REV3L: variants seen among roughly 807,000 people sequenced by gnomAD.
The protein encoded by REV3L is DNA polymerase zeta catalytic subunit.
A neutral mutation model predicts 299.4 loss-of-function variants in REV3L; 69 were observed. The observed-to-expected ratio is 0.23, with a 90% CI of 0.19 to 0.28. The LOEUF (loss-of-function observed/expected upper bound fraction) is 0.28. Ranked by LOEUF, REV3L falls within the 10% of genes least tolerant of loss-of-function variation. The pLI is 1.00. For missense variants in REV3L, 3,128 were observed against 3,693.8 expected (o/e 0.85, Z 3.97); for synonymous variants, 1,238 against 1,271.4 (o/e 0.97, Z 0.56).
rs367940631 is a variant in REV3L at position 111,448,898 on chromosome 6, A to G, written c.140-32426T>C. On this transcript the variant is annotated intron_variant, in intron 1 of 31. Transcript: ENST00000368802. ...AGACTCCTCAAGCAATCTTGCCTCA[A>G]GCAATCTTCCTGCCCCGGCCTCCCA... 4.0e-5 allele frequency among the ~76,000 whole-genome samples: 6 copies of G among 151,114 alleles called. 1 individual carries two copies. The highest frequency in any genetic ancestry group is 1.5e-4 in the African/African-American group (6 of 41,148).
At chr6:111,444,697 T>C (rs189208786) in intron 1 of REV3L, among the ~76,000 whole-genome samples, 86 of 152,342 alleles carry the variant, frequency 5.6e-4, no homozygotes, top group Middle Eastern at 3.4e-3. Flanking sequence ...ACAAAACTTT[T>C]TGATACAGCC....
intron 26 of REV3L, among the ~76,000 whole-genome samples, chr6:111,317,089 A>T (rs904121181): frequency 1.3e-5 from 2 of 152,220 alleles, no homozygotes; most frequent in Admixed American, 1.3e-4. Flanking sequence ...AAAGACATTA[A>T]ATAGTGGAAA....
chr6:111,301,142 T>G (rs1241862431), intron 31 of REV3L, among the ~76,000 whole-genome samples: 3 of 151,950 alleles, frequency 2.0e-5, no homozygotes, highest in Non-Finnish European at 4.4e-5. Context: ...AAATATGCCC[T>G]GGCCTCCTGC....
chr6:111,375,334 T>A lies in REV3L; in HGVS notation c.3021A>T (p.Thr1007=). The stretch of plus-strand genomic sequence containing the variant: ...TTTTATATAGTTCCATTTTTTCTTC[T>A]GTTAATATTACTTGTTTTTCTTTAG... ...IDSKEKQVIL[T]EEKMELYKKL... Residue 1007 remains threonine (T), a synonymous_variant, in exon 13 of 32, where the codon ACA becomes ACT. Transcript: ENST00000368802. The A allele has an allele frequency of 6.3e-7, 1 of 1,580,604 alleles. No individual in the cohort carries two copies. The highest frequency in any genetic ancestry group is 8.5e-7 in the Non-Finnish European group (1 of 1,171,472).
At chr6:111,350,904 T>C (rs987857006) in intron 19 of REV3L, among the ~76,000 whole-genome samples, 1 of 152,064 alleles carries the variant, frequency 6.6e-6, no homozygotes, top group African/African-American at 2.4e-5. Flanking sequence ...TCCAATTTTT[T>C]GCAAAGCTAA....
chr6:111,315,507 C>CT (rs1448871964), intron 26 of REV3L, 126 bp from the exon 27 acceptor site: 1 of 633,222 alleles, frequency 1.6e-6, no homozygotes, highest in Non-Finnish European at 2.7e-6. Flanking sequence ...CCTATTTACT[C>CT]TTTAAGATGC....
intron 1 of REV3L, among the ~76,000 whole-genome samples, chr6:111,428,962 C>T (rs1029515758): frequency 2.0e-5 from 3 of 152,018 alleles, no homozygotes; most frequent in Admixed American, 2.0e-4. Context: ...ACTCAAAGGT[C>T]AAGGACAAAG....
chr6:111,303,539 G>T (rs1167421712), intron 31 of REV3L, among the ~76,000 whole-genome samples: 1 of 150,592 alleles, frequency 6.6e-6, no homozygotes, highest in African/African-American at 2.4e-5. Flanking sequence ...GCTAATTTTT[G>T]TATTTTTAGT....
chr6:111,423,869 G>T (rs945619154), intron 1 of REV3L, among the ~76,000 whole-genome samples: 1 of 152,108 alleles, frequency 6.6e-6, no homozygotes, highest in African/African-American at 2.4e-5. Flanking sequence ...GTCACTCAAA[G>T]AAAACTGTAA....
intron 1 of REV3L, among the ~76,000 whole-genome samples, chr6:111,468,142 T>C (rs1036411791): frequency 3.3e-5 from 5 of 152,182 alleles, no homozygotes; most frequent in Non-Finnish European, 7.3e-5. Context: ...CAGGATCCTT[T>C]TGAAGTTTTT....
Position 111,379,422 on chromosome 6 carries a change from CAT to C in REV3L, c.1454+558_1454+559del, listed in dbSNP as rs199607791. Among the ~76,000 whole-genome samples, 1,052 of 152,292 alleles carry C rather than the reference CAT, an allele frequency of 6.9e-3. 5 individuals carry two copies. Among genetic ancestry groups the C allele is most frequent in the African/African-American group, 0.024 (997 of 41,570 alleles). ...GGCCTAGATTTTTCTATACACAGAG[CAT>C]ATAACTAAAGGGCAGACTCAAACCA... On this transcript the variant is annotated intron_variant, in intron 11 of 31. Coordinates refer to ENST00000368802, the MANE Select transcript of REV3L (RefSeq NM_001372078.1).
intron 9 of REV3L, among the ~76,000 whole-genome samples, chr6:111,381,867 C>G (rs1424660916): frequency 6.6e-6 from 1 of 151,896 alleles, no homozygotes; most frequent in Non-Finnish European, 1.5e-5. Flanking sequence ...ATTGACAGTG[C>G]TCATTATTTG....
At chr6:111,451,132 A>G (rs1018007326) in intron 1 of REV3L, among the ~76,000 whole-genome samples, 17 of 152,238 alleles carry the variant, frequency 1.1e-4, no homozygotes, top group Non-Finnish European at 1.2e-4. Context: ...CCAAATTGCC[A>G]GAGGTCATAG....
chr6:111,474,265 G>A (rs888016062), intron 1 of REV3L, among the ~76,000 whole-genome samples: 3 of 152,120 alleles, frequency 2.0e-5, no homozygotes, highest in African/African-American at 7.2e-5. Flanking sequence ...CATATCAAAC[G>A]CACGTGGTGA....
chr6:111,368,847 ACTTCT>A (rs1297466928), intron 13 of REV3L, among the ~76,000 whole-genome samples: 1 of 152,020 alleles, frequency 6.6e-6, no homozygotes. Context: ...TTTTTCAATC[ACTTCT>A]CTTAGGGCAT....
At position 111,375,869 on chromosome 6, in the gene REV3L, C is replaced by T. The variant is rs555525637; in HGVS notation, c.2486G>A (p.Arg829Gln). The change falls in exon 13 of 32, where the codon CGG becomes CAG. Residue 829 changes from arginine to glutamine, a missense_variant. Physicochemically the swap from Arg to Gln is conservative, Grantham distance 43. This residue lies in a region of REV3L where 2,409 missense variants were observed against 2,611.8 expected (regional missense o/e 0.92). Transcript: ENST00000368802. ...YKLQPGNKPS[R>Q]LKLNKRKLAG... ...AAGTTTCCTTTTATTCAATTTTAAC[C>T]GGGATGGTTTATTGCCAGGTTGTAA... 41 of 1,613,796 alleles carry T rather than the reference C, an allele frequency of 2.5e-5. No homozygotes were observed. The African/African-American group carries it at 3.3e-4, about 13-fold the overall frequency.
chr6:111,312,652 G>A (rs1773106137), intron 28 of REV3L: 1 of 152,216 alleles, frequency 6.6e-6, no homozygotes, highest in South Asian at 2.1e-4. Context: ...CCTCCTCCCG[G>A]GTTCAAGTGA....
rs1350035205 is a variant in REV3L at position 111,389,140 on chromosome 6, A to T, written c.828T>A (p.Asn276Lys). 3 of 1,613,970 alleles carry T rather than the reference A, an allele frequency of 1.9e-6. No homozygotes were observed. The highest frequency in any genetic ancestry group is 2.5e-6 in the Non-Finnish European group (3 of 1,179,916). The change falls in exon 7 of 32, where the codon AAT becomes AAA. Residue 276 changes from asparagine (N) to lysine (K), a missense_variant. Coordinates refer to ENST00000368802, the MANE Select transcript of REV3L (RefSeq NM_001372078.1). ...CAGGTTGGCTCATTTGAGAAGTTTC[A>T]TTTCTGTTTCTTCGCCGTTGCTTTT... Reference protein sequence around the residue: ...EDEKQRRRNRNETSQMSQPES... With the variant: ...EDEKQRRRNRKETSQMSQPES...
upstream of REV3L, chr6:111,483,249 G>A (rs1793996397): frequency 2.1e-6 from 1 of 486,096 alleles, no homozygotes; most frequent in Non-Finnish European, 3.6e-6. Context: ...GGGGAGAGGG[G>A]GGTGTGTGTG....
Sources: gnomAD v4.1 joint callset for allele counts (sites outside exome capture counted in the v4.1 genomes callset) on GRCh38, gnomAD v4.1.1 for gene constraint, gnomAD v4.1.1 regional missense constraint, MANE v1.5 for transcripts, NCBI Gene and HGNC (gene_info 2026-07-23, HGNC 2026-07-21) for gene names.